Variants in THADA observed in about 807,000 individuals in gnomAD.
THADA encodes tRNA (32-2'-O)-methyltransferase regulator THADA.
THADA carries 213 observed loss-of-function variants against 219.8 expected under a neutral mutation model. That is an observed-to-expected ratio of 0.97 (90% confidence interval 0.87 to 1.09). THADA has a LOEUF of 1.09. Ranked by LOEUF, THADA falls within the 50% of genes least tolerant of loss-of-function variation. The probability of loss-of-function intolerance (pLI) is 0.00; values close to 1 mark genes in which losing one functional copy is unlikely to be tolerated. For missense variants in THADA, 2,956 were observed against 2,311.3 expected (o/e 1.28, Z -5.72); for synonymous variants, 1,018 against 828.9 (o/e 1.23, Z -3.92).
intron 29 of THADA, among the ~76,000 whole-genome samples, chr2:43,364,444 G>A (rs1669893945): frequency 6.6e-6 from 1 of 152,124 alleles, no homozygotes; most frequent in South Asian, 2.1e-4. Context: ...GCATGCTACA[G>A]GATGTTTCCT....
Position 43,566,745 on chromosome 2 carries a change from G to A in THADA, c.2264C>T (p.Ala755Val). 8 of 1,588,510 alleles carry A rather than the reference G, an allele frequency of 5.0e-6. No individual in the cohort carries two copies. Among genetic ancestry groups the A allele is most frequent in the African/African-American group, 1.4e-5 (1 of 73,246 alleles). ...AGCTATTGAACCTAAAATGGTTAAA[G>A]CTGAAAATCTAGTCGAGTAGGAAGA... is the stretch of plus-strand genomic sequence containing the variant. The part of the protein sequence containing the change: ...PGSSYSTRFS[A>V]LTILGSIAEV... Residue 755 changes from alanine to valine, a missense_variant, in exon 15 of 38, where the codon GCT becomes GTT. Coordinates refer to ENST00000405975, the MANE Select transcript of THADA (RefSeq NM_022065.5).
chr2:43,331,450 T>G (rs1036753801), intron 30 of THADA, among the ~76,000 whole-genome samples: 1 of 152,230 alleles, frequency 6.6e-6, no homozygotes, highest in Non-Finnish European at 1.5e-5. Context: ...CATGTGCATA[T>G]AGACAGCAGC....
At chr2:43,448,708 T>C (rs772066998) in intron 26 of THADA, among the ~76,000 whole-genome samples, 6 of 151,646 alleles carry the variant, frequency 4.0e-5, no homozygotes. Context: ...CAATGAAAGG[T>C]GCAGGCTCAA....
chr2:43,547,798 C>A (rs577140107), intron 20 of THADA, among the ~76,000 whole-genome samples: 25 of 152,254 alleles, frequency 1.6e-4, no homozygotes, highest in African/African-American at 6.0e-4. Context: ...AACTTCTTTG[C>A]CTTTGGTTTT....
intron 24 of THADA, among the ~76,000 whole-genome samples, chr2:43,504,609 G>T (rs948644788): frequency 1.3e-5 from 2 of 152,206 alleles, no homozygotes; most frequent in Admixed American, 1.3e-4. Flanking sequence ...GCTGGGCATG[G>T]TGGCTCACAC....
intron 22 of THADA, among the ~76,000 whole-genome samples, chr2:43,513,042 C>T (rs1194534431): frequency 3.9e-5 from 6 of 152,254 alleles, no homozygotes; most frequent in Admixed American, 3.9e-4. Flanking sequence ...GGTTTAGAAT[C>T]CTTTCTCTGC....
chr2:43,390,233 C>G (rs1192641239), intron 29 of THADA, among the ~76,000 whole-genome samples: 1 of 152,206 alleles, frequency 6.6e-6, no homozygotes, highest in East Asian at 1.9e-4. Flanking sequence ...GAGTCCCCAG[C>G]AGTCCTGGCA....
chr2:43,360,844 G>A (rs1156632054), intron 29 of THADA, among the ~76,000 whole-genome samples: 1 of 152,220 alleles, frequency 6.6e-6, no homozygotes, highest in African/African-American at 2.4e-5. Context: ...ACTGAGGACA[G>A]TGGGACAACA....
intron 31 of THADA, among the ~76,000 whole-genome samples, chr2:43,312,349 G>C (rs1429439937): frequency 6.6e-6 from 1 of 152,128 alleles, no homozygotes; most frequent in Non-Finnish European, 1.5e-5. Context: ...CATTATATGA[G>C]GCCTTTAACT....
chr2:43,310,097 TG>T (rs1573011227), intron 31 of THADA, among the ~76,000 whole-genome samples: 1 of 152,130 alleles, frequency 6.6e-6, no homozygotes, highest in African/African-American at 2.4e-5. Context: ...ATCCAGTGTT[TG>T]TGGATTTAAA....
chr2:43,530,510 C>T (rs964117713), intron 21 of THADA, among the ~76,000 whole-genome samples: 1 of 152,018 alleles, frequency 6.6e-6, no homozygotes, highest in Non-Finnish European at 1.5e-5. Flanking sequence ...ACCATCATTT[C>T]GATTATTAGA....
At chr2:43,454,713 T>C (rs529920552) in intron 26 of THADA, among the ~76,000 whole-genome samples, 1 of 152,274 alleles carries the variant, frequency 6.6e-6, no homozygotes, top group African/African-American at 2.4e-5. Context: ...TATTCATGTA[T>C]GTCCTGGAAA....
chr2:43,390,760 G>A (rs1384524925), intron 29 of THADA, among the ~76,000 whole-genome samples: 1 of 152,204 alleles, frequency 6.6e-6, no homozygotes, highest in East Asian at 1.9e-4. Flanking sequence ...GCAAGGATGT[G>A]TCTCTTCTGT....
At chr2:43,549,788 A>G (rs1696536862) in intron 19 of THADA, among the ~76,000 whole-genome samples, 1 of 152,208 alleles carries the variant, frequency 6.6e-6, no homozygotes, top group East Asian at 1.9e-4. Context: ...AAAAAAATCA[A>G]TATTTGATTT....
intron 2 of THADA, 99 bp from the exon 3 acceptor site, chr2:43,592,145 G>C: frequency 1.9e-6 from 2 of 1,033,630 alleles, no homozygotes; most frequent in Non-Finnish European, 2.8e-6. Context: ...ATAAACCATA[G>C]CAATAGGTGG....
intron 31 of THADA, among the ~76,000 whole-genome samples, chr2:43,303,160 G>T (rs533266430): frequency 6.6e-6 from 1 of 152,288 alleles, no homozygotes; most frequent in South Asian, 2.1e-4. Context: ...ACTTTGCAGA[G>T]TCCTTCATGG....
At chr2:43,522,976 T>A (rs924283209) in intron 22 of THADA, among the ~76,000 whole-genome samples, 2 of 152,082 alleles carry the variant, frequency 1.3e-5, no homozygotes, top group African/African-American at 2.4e-5. Flanking sequence ...ATCTCTTAGT[T>A]ATTCTTTATT....
chr2:43,544,765 G>A (rs1695800797), intron 20 of THADA, among the ~76,000 whole-genome samples: 1 of 151,730 alleles, frequency 6.6e-6, no homozygotes, highest in Non-Finnish European at 1.5e-5. Context: ...TCAGCTTAAG[G>A]AGATTTTGGG....
chr2:43,232,623 CA>C, intron 37 of THADA, 89 bp downstream of exon 37: 1 of 1,413,280 alleles, frequency 7.1e-7, no homozygotes, highest in Non-Finnish European at 9.7e-7. Context: ...TCTAAGCATG[CA>C]AAAGCCCAGC....
Sources: allele counts gnomAD v4.1 joint callset (sites outside exome capture counted in the v4.1 genomes callset), GRCh38; gene constraint gnomAD v4.1.1; transcripts MANE v1.5; gene names NCBI Gene and HGNC (gene_info 2026-07-23, HGNC 2026-07-21).